NUAK1: variants seen among roughly 807,000 people sequenced by gnomAD.
The protein encoded by NUAK1 is NUAK family SNF1-like kinase 1.
In NUAK1, 26 loss-of-function variants were observed where a neutral mutation model predicts 56.9. The ratio of observed to expected loss-of-function variants is 0.46; its 90% CI spans 0.33 to 0.63. The LOEUF (loss-of-function observed/expected upper bound fraction) is 0.63, where lower values mean the gene tolerates loss of function less well. Ranked by LOEUF, NUAK1 falls within the 30% of genes least tolerant of loss-of-function variation. NUAK1 has a pLI of 0.02. For synonymous variants in NUAK1, 337 were observed against 336.0 expected (o/e 1.00, Z -0.03); for missense variants, 727 against 876.1 (o/e 0.83, Z 2.15).
chr12:106,071,898 AT>A (rs1474830382), intron 5 of NUAK1, among the ~76,000 whole-genome samples: 1 of 152,206 alleles, frequency 6.6e-6, no homozygotes, highest in African/African-American at 2.4e-5. Flanking sequence ...ACACATAAAT[AT>A]TTGAAAGAAA....
In NUAK1 at chr12:106,121,011, A is replaced by C. The variant is rs146825028; in HGVS notation, c.241-14486T>G. On this transcript the variant is annotated intron_variant, in intron 1 of 6. Coordinates refer to ENST00000261402, the MANE Select transcript of NUAK1 (RefSeq NM_014840.3). ...ATACTGATACCTGAGTTCCTTCCCC[A>C]GGCAGCCTCCTTTAGTTAGCCTGGG... 1.2e-3 allele frequency among the ~76,000 whole-genome samples: 190 copies of C among 152,326 alleles called. 2 individuals are homozygous for C. Among genetic ancestry groups the C allele is most frequent in the African/African-American group, 4.3e-3 (179 of 41,582 alleles).
intron 4 of NUAK1, among the ~76,000 whole-genome samples, chr12:106,074,797 T>C (rs77449718): frequency 6.6e-6 from 1 of 152,162 alleles, no homozygotes; most frequent in Admixed American, 6.5e-5. Flanking sequence ...TGGAATGTCA[T>C]TGAAAGCAGC....
chr12:106,133,499 C>T (rs1379908908), intron 1 of NUAK1, among the ~76,000 whole-genome samples: 1 of 152,162 alleles, frequency 6.6e-6, no homozygotes, highest in Non-Finnish European at 1.5e-5. Context: ...AAACAAACTC[C>T]ATCCAAACAA....
chr12:106,126,977 G>A lies in NUAK1; in HGVS notation c.240+11437C>T, dbSNP rs147103172. Among the ~76,000 whole-genome samples, 753 of 152,304 alleles carry A rather than the reference G, an allele frequency of 4.9e-3. 8 individuals are homozygous for A. The highest frequency in any genetic ancestry group is 0.017 in the African/African-American group (726 of 41,566). ...TCCTCTGAGCTGCCCAGCAGAACATGAGCTTACCCTCCTCTGAATCACAAA... is the reference window on the plus strand; with the variant it reads ...TCCTCTGAGCTGCCCAGCAGAACATAAGCTTACCCTCCTCTGAATCACAAA... On this transcript the variant is annotated intron_variant, in intron 1 of 6. Coordinates refer to ENST00000261402, the MANE Select transcript of NUAK1 (RefSeq NM_014840.3).
At chr12:106,072,693 C>A in intron 5 of NUAK1, 31 bp downstream of exon 5, 1 of 1,607,250 alleles carries the variant, frequency 6.2e-7, no homozygotes, top group South Asian at 1.1e-5. Flanking sequence ...CTCCCCTCCC[C>A]TGCCCCATAC....
chr12:106,138,745 T>G lies in NUAK1; in HGVS notation c.-92A>C. 1 of 1,409,154 alleles carries G rather than the reference T, an allele frequency of 7.1e-7. No homozygotes were observed. Among genetic ancestry groups the G allele is most frequent in the Non-Finnish European group, 9.2e-7 (1 of 1,085,302 alleles). The allele number at this position is 1,409,154 out of a possible 1,614,324, so 87.3% of individuals were successfully genotyped here. Reference sequence around the variant, plus strand: ...CCCACCGAGGGAAGCCGCTGTACGCTCAAGGTCGCCCCCGCAGCATCAGGG... The same window carrying G: ...CCCACCGAGGGAAGCCGCTGTACGCGCAAGGTCGCCCCCGCAGCATCAGGG... On this transcript the variant is annotated 5_prime_UTR_variant, in exon 1 of 7. An upstream open reading frame in the 5' UTR loses its in-frame stop. Coordinates refer to ENST00000261402, the MANE Select transcript of NUAK1 (RefSeq NM_014840.3). The surrounding 1 kb of genome is among the most constrained non-coding windows in gnomAD (Gnocchi z 5.0).
intron 1 of NUAK1, among the ~76,000 whole-genome samples, chr12:106,115,980 C>T (rs1038163280): frequency 1.2e-4 from 18 of 152,188 alleles, no homozygotes; most frequent in African/African-American, 1.4e-4. Context: ...TGACCAACTC[C>T]TCTGCATCCA....
intron 1 of NUAK1, among the ~76,000 whole-genome samples, chr12:106,124,658 C>G (rs1224047728): frequency 6.6e-6 from 1 of 152,164 alleles, no homozygotes; most frequent in Non-Finnish European, 1.5e-5. Context: ...TCTGTCTCAC[C>G]ATGGCTGTCT....
chr12:106,127,773 C>T (rs1349233957), intron 1 of NUAK1, among the ~76,000 whole-genome samples: 3 of 152,152 alleles, frequency 2.0e-5, no homozygotes, highest in Non-Finnish European at 4.4e-5. Flanking sequence ...TTCCTACGAG[C>T]TGGAAGGGAC....
At chr12:106,104,249 A>AGATTTTGTATTTTTAG (rs2032777628) in intron 2 of NUAK1, 3 of 152,012 alleles carry the variant, frequency 2.0e-5, no homozygotes, top group Non-Finnish European at 2.9e-5. Flanking sequence ...TATTTTTAGG[A>AGATTTTGTATTTTTAG]GAGATGGGGT....
Position 106,066,931 on chromosome 12 carries a change from C to T in NUAK1, c.1857G>A (p.Arg619=). The change falls in exon 7 of 7, where the codon CGG becomes CGA. Residue 619 remains arginine, a synonymous_variant. Coordinates refer to ENST00000261402, the MANE Select transcript of NUAK1 (RefSeq NM_014840.3). Reference sequence around the variant, plus strand: ...ACCGCTTCAGGTACTGGGGCCGGGGCCGGTTCTGGAGCCCCTCAAAGTCCT... The same window carrying T: ...ACCGCTTCAGGTACTGGGGCCGGGGTCGGTTCTGGAGCCCCTCAAAGTCCT... The part of the protein sequence containing the change: ...QIQDFEGLQN[R]PRPQYLKRYR... 2 of 1,614,042 alleles carry T rather than the reference C, an allele frequency of 1.2e-6. No homozygotes were observed. Among genetic ancestry groups the T allele is most frequent in the Admixed American group, 1.7e-5 (1 of 59,974 alleles).
intron 1 of NUAK1, among the ~76,000 whole-genome samples, chr12:106,135,829 A>G (rs576721651): frequency 1.3e-5 from 2 of 152,358 alleles, no homozygotes; most frequent in South Asian, 2.1e-4. Flanking sequence ...CTCCAAGTTC[A>G]TATTTTAGAT....
At chr12:106,092,466 C>A (rs2032645215) in intron 2 of NUAK1, among the ~76,000 whole-genome samples, 1 of 151,628 alleles carries the variant, frequency 6.6e-6, no homozygotes, top group Non-Finnish European at 1.5e-5. Flanking sequence ...TGCAGTGAGC[C>A]AGCCTGGTGA....
At chr12:106,112,369 G>C (rs979891902) in intron 1 of NUAK1, among the ~76,000 whole-genome samples, 2 of 152,076 alleles carry the variant, frequency 1.3e-5, no homozygotes, top group African/African-American at 4.8e-5. Flanking sequence ...CCGGCTGGAG[G>C]CTGTAAAGTG....
intron 1 of NUAK1, among the ~76,000 whole-genome samples, chr12:106,116,841 T>C (rs1473790476): frequency 3.3e-5 from 5 of 152,228 alleles, no homozygotes; most frequent in Non-Finnish European, 5.9e-5. Context: ...TCAATCAGTG[T>C]TCCTGCTGCT....
In NUAK1 at chr12:106,067,251, T is replaced by C; in HGVS notation, c.1537A>G (p.Thr513Ala). ...CTCCGGCAGGAGAGGCTGTGGGAGG[T>C]TACCCTGGCTGGGTCCGGGGGGCTG... ...SPSPPDPARVTSHSLSCRRKG... is the reference protein window; with the variant it reads ...SPSPPDPARVASHSLSCRRKG... The change falls in exon 7 of 7, where the codon ACC (threonine) becomes GCC (alanine). Residue 513 changes from threonine (T) to alanine (A), a missense_variant. By Grantham distance (58) the Thr-to-Ala change is moderately conservative (BLOSUM62 0). Coordinates refer to ENST00000261402, the MANE Select transcript of NUAK1 (RefSeq NM_014840.3). This position sits in a 1 kb window ranked among gnomAD's most constrained non-coding sequence, Gnocchi z 6.0. The C allele has an allele frequency of 1.2e-6, 2 of 1,613,852 alleles. No individual in the cohort carries two copies. Among genetic ancestry groups the C allele is most frequent in the South Asian group, 1.1e-5 (1 of 91,048 alleles).
Position 106,066,543 on chromosome 12 carries a change from C to G in NUAK1, c.*259G>C. ...GCCGGTCAATACCACCTCCCCTGGACAGCTGGTCCTCTAGGAGGTGCCATA... is the reference window on the plus strand; with the variant it reads ...GCCGGTCAATACCACCTCCCCTGGAGAGCTGGTCCTCTAGGAGGTGCCATA... On this transcript the variant is annotated 3_prime_UTR_variant, in exon 7 of 7. Coordinates refer to ENST00000261402, the MANE Select transcript of NUAK1 (RefSeq NM_014840.3). 1.9e-6 allele frequency: 1 copy of G among 519,388 alleles called. No individual in the cohort carries two copies. The allele number at this position is 519,388 out of a possible 1,614,324, so 32.2% of individuals were successfully genotyped here.
chr12:106,110,564 G>T (rs942171529), intron 1 of NUAK1, among the ~76,000 whole-genome samples: 2 of 152,130 alleles, frequency 1.3e-5, no homozygotes, highest in Admixed American at 1.3e-4. Flanking sequence ...GGCCCAGCAG[G>T]AAGAGATTAC....
At chr12:106,126,973 A>C (rs1450417930) in intron 1 of NUAK1, among the ~76,000 whole-genome samples, 1 of 152,220 alleles carries the variant, frequency 6.6e-6, no homozygotes, top group Non-Finnish European at 1.5e-5. Flanking sequence ...GCCCAGCAGA[A>C]CATGAGCTTA....
Sources: allele counts gnomAD v4.1 joint callset (sites outside exome capture counted in the v4.1 genomes callset), GRCh38; gene constraint gnomAD v4.1.1; non-coding constraint Gnocchi (gnomAD v3.1); transcripts MANE v1.5; gene names NCBI Gene and HGNC (gene_info 2026-07-23, HGNC 2026-07-21).